EYS: variants seen among roughly 807,000 people sequenced by gnomAD.
EYS encodes protein eyes shut homolog.
EYS carries 250 observed loss-of-function variants against 282.1 expected under a neutral mutation model. The ratio of observed to expected loss-of-function variants is 0.89; its 90% confidence interval spans 0.80 to 0.98. The LOEUF (loss-of-function observed/expected upper bound fraction) is 0.98. EYS is among the 50% of genes least tolerant of loss of function. The probability of loss-of-function intolerance (pLI) is 0.00; values close to 1 mark genes in which losing one functional copy is unlikely to be tolerated. For synonymous variants in EYS, 1,355 were observed against 1,282.9 expected (o/e 1.06, Z -1.20); for missense variants, 4,016 against 3,709.0 (o/e 1.08, Z -2.15).
At chr6:64,519,662 C>T (rs983449892) in intron 26 of EYS, among the ~76,000 whole-genome samples, 1 of 151,770 alleles carries the variant, frequency 6.6e-6, no homozygotes, top group Non-Finnish European at 1.5e-5. Flanking sequence ...CCCTTGTCCA[C>T]CCACCAATTG....
intron 33 of EYS, among the ~76,000 whole-genome samples, chr6:64,056,160 G>A (rs536947953): frequency 6.6e-6 from 1 of 152,240 alleles, no homozygotes; most frequent in South Asian, 2.1e-4. Flanking sequence ...TGCCTTCCAA[G>A]TATTTGTTAC....
intron 12 of EYS, among the ~76,000 whole-genome samples, chr6:65,082,292 G>A (rs537888424): frequency 3.7e-4 from 57 of 152,038 alleles, no homozygotes; most frequent in African/African-American, 1.3e-3. Context: ...CTCTAATGGT[G>A]GAGGTTATGG....
intron 15 of EYS, among the ~76,000 whole-genome samples, chr6:64,928,507 C>G (rs116426345): frequency 4.4e-4 from 67 of 152,158 alleles, no homozygotes; most frequent in African/African-American, 1.5e-3. Flanking sequence ...TAACTAATGG[C>G]TTTCAATTCA....
intron 26 of EYS, among the ~76,000 whole-genome samples, chr6:64,481,864 C>A (rs992348536): frequency 6.6e-6 from 1 of 151,570 alleles, no homozygotes; most frequent in African/African-American, 2.4e-5. Flanking sequence ...TGCTTAATAT[C>A]TGTTCTCTAT....
chr6:65,703,028 C>T (rs766751626), intron 1 of EYS, among the ~76,000 whole-genome samples: 9 of 152,090 alleles, frequency 5.9e-5, no homozygotes, highest in South Asian at 2.1e-4. Context: ...AGACTGAGGT[C>T]CTCTAAAAAG....
chr6:63,780,369 G>A (rs1480892640), intron 39 of EYS, among the ~76,000 whole-genome samples: 2 of 152,140 alleles, frequency 1.3e-5, no homozygotes, highest in Non-Finnish European at 1.5e-5. Context: ...CGCCAACAGT[G>A]TAAAAGTGTT....
At chr6:65,033,030 T>A (rs1044364530) in intron 13 of EYS, among the ~76,000 whole-genome samples, 2 of 152,184 alleles carry the variant, frequency 1.3e-5, no homozygotes, top group African/African-American at 2.4e-5. Context: ...AGCAAAGAGC[T>A]TGACTGCATT....
intron 22 of EYS, among the ~76,000 whole-genome samples, chr6:64,740,768 C>T (rs1225570576): frequency 1.3e-5 from 2 of 148,688 alleles, no homozygotes; most frequent in Non-Finnish European, 1.5e-5. Context: ...GGCTGGAGTG[C>T]AGTGGCATGA....
At chr6:65,212,387 T>C (rs1172466858) in intron 12 of EYS, among the ~76,000 whole-genome samples, 1 of 152,078 alleles carries the variant, frequency 6.6e-6, no homozygotes, top group African/African-American at 2.4e-5. Context: ...AGAAGATATC[T>C]GGGATCTATA....
At chr6:65,219,091 G>T (rs1475279133) in intron 12 of EYS, among the ~76,000 whole-genome samples, 1 of 152,098 alleles carries the variant, frequency 6.6e-6, no homozygotes, top group East Asian at 1.9e-4. Flanking sequence ...AATTTTGCAT[G>T]ATTTGAAGCA....
chr6:64,294,065 G>C (rs1052010476), intron 30 of EYS, among the ~76,000 whole-genome samples: 10 of 146,376 alleles, frequency 6.8e-5, no homozygotes, highest in Non-Finnish European at 1.2e-4. Flanking sequence ...CTATAAAATA[G>C]AGATAGAAAA....
rs190580595 is a variant in EYS, at chr6:65,049,387, C to T, written c.2137+8227G>A. On this transcript the variant is annotated intron_variant, in intron 13 of 42. Transcript: ENST00000503581. The stretch of plus-strand genomic sequence containing the variant: ...ATTTATTCCAGGAACATGTATAATA[C>T]GAGGATATGCATGGCAGTTTAGCAC... Among the ~76,000 whole-genome samples, 27 of 151,756 alleles carry T rather than the reference C, an allele frequency of 1.8e-4. No homozygotes were observed. In the East Asian group the frequency reaches 3.5e-3, roughly 20 times the overall value.
At chr6:65,644,495 A>G (rs1826149) in intron 1 of EYS, among the ~76,000 whole-genome samples, 121,975 of 152,130 alleles carry the variant, frequency 0.8, 49,093 homozygotes, top group East Asian at 0.86. Context: ...CATACCTGAG[A>G]GAACAATCAA....
chr6:64,198,149 C>T (rs537495800), intron 31 of EYS, among the ~76,000 whole-genome samples: 90 of 147,552 alleles, frequency 6.1e-4, no homozygotes, highest in African/African-American at 1.8e-3. Flanking sequence ...CCCGCCACCA[C>T]GGCCGGCCCG....
At chr6:65,582,756 G>C (rs560199936) in intron 2 of EYS, among the ~76,000 whole-genome samples, 3 of 152,180 alleles carry the variant, frequency 2.0e-5, no homozygotes, top group African/African-American at 7.2e-5. Context: ...CAAGTAGTTT[G>C]GAATACTCCT....
chr6:64,447,627 T>G (rs1775157697), intron 26 of EYS, among the ~76,000 whole-genome samples: 1 of 152,100 alleles, frequency 6.6e-6, no homozygotes, highest in East Asian at 1.9e-4. Context: ...AATCATAAAA[T>G]GCCAAAAAAA....
chr6:63,904,580 C>A (rs1773731657), intron 35 of EYS, among the ~76,000 whole-genome samples: 1 of 152,124 alleles, frequency 6.6e-6, no homozygotes, highest in Admixed American at 6.5e-5. Flanking sequence ...TTCCAAATCA[C>A]CTCTGGGAAG....
rs373383303 is a variant in EYS, at chr6:64,637,157, G to A, written c.3444-10912C>T. Reference sequence around the variant, plus strand: ...ACACATGCACACGTATGTTTATTGCGGCACTATTCACAATAGCAAAGACTT... The same window carrying A: ...ACACATGCACACGTATGTTTATTGCAGCACTATTCACAATAGCAAAGACTT... On this transcript the variant is annotated intron_variant, in intron 22 of 42. Coordinates refer to ENST00000503581, the MANE Select transcript of EYS (RefSeq NM_001142800.2). 9.3e-4 allele frequency among the ~76,000 whole-genome samples: 88 copies of A among 94,664 alleles called. 10 individuals carry two copies. Among genetic ancestry groups the A allele is most frequent in the African/African-American group, 3.2e-3 (80 of 24,836 alleles). 62.1% of individuals were successfully genotyped at this position (94,664 alleles called of 152,430 possible). A position where few individuals can be genotyped will look rare whatever the true frequency, so the allele number is the denominator to read the frequency against.
intron 22 of EYS, among the ~76,000 whole-genome samples, chr6:64,777,301 G>A (rs1317991527): frequency 6.6e-6 from 1 of 152,004 alleles, no homozygotes; most frequent in African/African-American, 2.4e-5. Context: ...ATGATTTTAG[G>A]TATTATTCTT....
Sources: allele counts gnomAD v4.1 joint callset (sites outside exome capture counted in the v4.1 genomes callset), GRCh38; gene constraint gnomAD v4.1.1; transcripts MANE v1.5; gene names NCBI Gene and HGNC (gene_info 2026-07-23, HGNC 2026-07-21).